PRKN: variants seen among roughly 807,000 people sequenced by gnomAD.
PRKN encodes the protein parkin RBR E3 ubiquitin protein ligase, also known as E3 ubiquitin-protein ligase parkin.
In PRKN, 56 loss-of-function variants were observed where a neutral mutation model predicts 59.5. The ratio of observed to expected loss-of-function variants is 0.94; its 90% CI spans 0.76 to 1.18. The LOEUF (loss-of-function observed/expected upper bound fraction) is 1.18. Among genes scored for constraint, PRKN ranks in the 50% most tolerant of loss-of-function variants. The probability of loss-of-function intolerance (pLI) is 0.00; values close to 1 mark genes in which losing one functional copy is unlikely to be tolerated. For synonymous variants in PRKN, 250 were observed against 222.1 expected (o/e 1.13, Z -1.12); for missense variants, 657 against 596.4 (o/e 1.10, Z -1.06).
At chr6:162,435,050 G>C (rs1417888872) in intron 2 of PRKN, among the ~76,000 whole-genome samples, 1 of 152,156 alleles carries the variant, frequency 6.6e-6, no homozygotes, top group Non-Finnish European at 1.5e-5. Flanking sequence ...TTGGATGATG[G>C]AATCTTAGTC....
intron 1 of PRKN, among the ~76,000 whole-genome samples, chr6:162,622,568 G>A (rs1334545681): frequency 6.6e-6 from 1 of 152,060 alleles, no homozygotes; most frequent in Non-Finnish European, 1.5e-5. Flanking sequence ...GAATCTTCTG[G>A]TATCGGTTGC....
chr6:161,738,438 C>T (rs751506371), intron 7 of PRKN, among the ~76,000 whole-genome samples: 2 of 152,116 alleles, frequency 1.3e-5, no homozygotes, highest in South Asian at 2.1e-4. Context: ...CTTTTATAAA[C>T]GTGAAAAGTC....
At chr6:162,252,546 G>C (rs1487932596) in intron 3 of PRKN, among the ~76,000 whole-genome samples, 1 of 152,226 alleles carries the variant, frequency 6.6e-6, no homozygotes, top group African/African-American at 2.4e-5. Flanking sequence ...ATTTGGAGGT[G>C]ATTAGGTCAT....
chr6:162,008,666 C>T (rs1347219982), intron 5 of PRKN, among the ~76,000 whole-genome samples: 10 of 151,960 alleles, frequency 6.6e-5, no homozygotes, highest in Admixed American at 4.6e-4. Context: ...GGAACACTTC[C>T]CAATTTAAAA....
chr6:161,838,210 C>G (rs942474942), intron 6 of PRKN, among the ~76,000 whole-genome samples: 1 of 152,200 alleles, frequency 6.6e-6, no homozygotes, highest in Admixed American at 6.5e-5. Context: ...AGTATTATTA[C>G]AATATTTACT....
At chr6:161,834,909 C>T (rs558664224) in intron 6 of PRKN, among the ~76,000 whole-genome samples, 7 of 152,164 alleles carry the variant, frequency 4.6e-5, no homozygotes, top group South Asian at 2.1e-4. Context: ...CACCTAGCTA[C>T]GTGATGACTG....
chr6:162,507,756 G>A (rs1793671179), intron 1 of PRKN, among the ~76,000 whole-genome samples: 1 of 152,146 alleles, frequency 6.6e-6, no homozygotes. Context: ...TGGAGTGTGA[G>A]CTTCAACAAG....
rs143878069 is a variant in PRKN at position 162,511,294 on chromosome 6, T to C, written c.8-67821A>G. 1.5e-3 allele frequency among the ~76,000 whole-genome samples: 230 copies of C among 152,244 alleles called. 3 individuals are homozygous for C. In the East Asian group the frequency reaches 0.037, roughly 25 times the overall value. ...ACTTACTGAGATACATTAGCTCAAA[T>C]TGAAATGGCAACATGAAATGCAATT... On this transcript the variant is annotated intron_variant, in intron 1 of 11. Transcript: ENST00000366898.
intron 2 of PRKN, chr6:162,263,315 A>G (rs1437287783): frequency 5.3e-6 from 1 of 190,192 alleles, no homozygotes. Context: ...CTGTTTTACA[A>G]AAGTACAGAA....
intron 6 of PRKN, among the ~76,000 whole-genome samples, chr6:161,883,545 A>G (rs557474499): frequency 1.1e-4 from 17 of 152,280 alleles, no homozygotes; most frequent in Middle Eastern, 6.8e-3. Context: ...CATCTGAAAC[A>G]CAACACTGCA....
chr6:161,415,051 AG>A (rs907233697), intron 9 of PRKN, among the ~76,000 whole-genome samples: 2 of 152,180 alleles, frequency 1.3e-5, no homozygotes, highest in African/African-American at 4.8e-5. Context: ...TGGAGTCCAC[AG>A]GACTCCAGAG....
chr6:162,461,259 T>G (rs1010236179), intron 1 of PRKN, among the ~76,000 whole-genome samples: 1 of 151,382 alleles, frequency 6.6e-6, no homozygotes, highest in East Asian at 1.9e-4. Flanking sequence ...CCCAGAACTT[T>G]AGGAGGCCGA....
chr6:161,706,148 G>T (rs1366195120), intron 7 of PRKN, among the ~76,000 whole-genome samples: 2 of 151,530 alleles, frequency 1.3e-5, no homozygotes, highest in African/African-American at 4.9e-5. Flanking sequence ...TACCCATTTC[G>T]ATTCATCCTG....
chr6:162,328,365 A>C (rs1041686137), intron 2 of PRKN, among the ~76,000 whole-genome samples: 19 of 152,220 alleles, frequency 1.2e-4, no homozygotes, highest in African/African-American at 3.9e-4. Context: ...ATTCCGTCTC[A>C]AAAAAACGAA....
intron 1 of PRKN, among the ~76,000 whole-genome samples, chr6:162,628,771 T>C (rs549604220): frequency 1.7e-3 from 256 of 152,278 alleles, no homozygotes; most frequent in Middle Eastern, 6.8e-3. Context: ...TATTCTTATA[T>C]ATAAGGTCTA....
intron 9 of PRKN, among the ~76,000 whole-genome samples, chr6:161,436,168 AGATGGGAGGGCAGAGAGCAGGGGGCAG>A (rs1236675467): frequency 3.0e-4 from 14 of 46,986 alleles, no homozygotes; most frequent in African/African-American, 9.9e-4. Flanking sequence ...GGAGGGGGCG[AGATGGGAGGGCAGAGAGCAGGGGGCAG>A]GATGGGAGGG....
At chr6:162,429,154 C>T (rs145568998) in intron 2 of PRKN, among the ~76,000 whole-genome samples, 13 of 152,202 alleles carry the variant, frequency 8.5e-5, no homozygotes, top group African/African-American at 2.4e-4. Flanking sequence ...GTTTATTTTT[C>T]GCATGTTACA....
chr6:162,428,572 A>G (rs1789355423), intron 2 of PRKN, among the ~76,000 whole-genome samples: 1 of 152,158 alleles, frequency 6.6e-6, no homozygotes, highest in African/African-American at 2.4e-5. Context: ...TGGTGGCATC[A>G]ACATCTAACA....
chr6:162,109,399 C>T (rs563337884), intron 4 of PRKN, among the ~76,000 whole-genome samples: 2 of 152,258 alleles, frequency 1.3e-5, no homozygotes, highest in African/African-American at 4.8e-5. Flanking sequence ...TAGCCAATGA[C>T]AAAACACTGC....
Sources: gnomAD v4.1 joint callset for allele counts (sites outside exome capture counted in the v4.1 genomes callset) on GRCh38, gnomAD v4.1.1 for gene constraint, MANE v1.5 for transcripts, NCBI Gene and HGNC (gene_info 2026-07-23, HGNC 2026-07-21) for gene names.